WDR59: variants seen among roughly 807,000 people sequenced by gnomAD.
WDR59 encodes the protein WD repeat domain 59.
A neutral mutation model predicts 131.2 loss-of-function variants in WDR59; 100 were observed. The observed-to-expected ratio is 0.76, with a 90% CI of 0.65 to 0.90. The LOEUF is 0.90. WDR59 is among the 40% of genes least tolerant of loss of function. The pLI is 0.00. For missense variants in WDR59, 1,203 were observed against 1,262.2 expected (o/e 0.95, Z 0.71); for synonymous variants, 601 against 466.2 (o/e 1.29, Z -3.72).
At chr16:74,973,437 C>A (rs1370267065) in intron 1 of WDR59, among the ~76,000 whole-genome samples, 1 of 152,144 alleles carries the variant, frequency 6.6e-6, no homozygotes, top group African/African-American at 2.4e-5. Flanking sequence ...CAGGCACAAG[C>A]CACCATGCTC....
intron 8 of WDR59, among the ~76,000 whole-genome samples, chr16:74,935,744 T>C (rs1198869934): frequency 6.6e-6 from 1 of 152,098 alleles, no homozygotes; most frequent in Non-Finnish European, 1.5e-5. Context: ...AAAAATTGTC[T>C]TGCTAGCACT....
intron 25 of WDR59, among the ~76,000 whole-genome samples, chr16:74,877,251 C>G (rs527402985): frequency 6.6e-6 from 1 of 151,502 alleles, no homozygotes; most frequent in Non-Finnish European, 1.5e-5. Flanking sequence ...CACACACACA[C>G]ACAAACACAC....
chr16:74,980,342 T>G (rs924917796), intron 1 of WDR59, among the ~76,000 whole-genome samples: 4 of 151,174 alleles, frequency 2.6e-5, no homozygotes, highest in African/African-American at 9.7e-5. Context: ...GGTTTTCCTC[T>G]GAAAAATCTA....
At chr16:74,921,671 A>C (rs2030242846) in intron 10 of WDR59, among the ~76,000 whole-genome samples, 2 of 152,152 alleles carry the variant, frequency 1.3e-5, no homozygotes, top group Admixed American at 6.5e-5. Flanking sequence ...ATCCAACAGC[A>C]AATCTCTATC....
Position 74,903,857 on chromosome 16 carries a change from TACTAATCTAGCTGCTG to T in WDR59, c.1866+74_1866+89del, listed in dbSNP as rs1445909515. 6.2e-6 allele frequency: 9 copies of T among 1,443,618 alleles called. No individual in the cohort carries two copies. The African/African-American group carries it at 1.1e-4, about 18-fold the overall frequency. 89.4% of individuals were successfully genotyped at this position (1,443,618 alleles called of 1,614,324 possible). A position where few individuals can be genotyped will look rare whatever the true frequency, so the allele number is the denominator to read the frequency against. On this transcript the variant is annotated intron_variant, in intron 18 of 25. Coordinates refer to ENST00000262144, the MANE Select transcript of WDR59 (RefSeq NM_030581.4). ...CGAAAGTGAAAGGCTACAGGGTGAT[TACTAATCTAGCTGCTG>T]CGCCAGGCAGGAGATGAGGAACAAG...
rs145360783 is a variant in WDR59, at chr16:74,889,798, C to A, written c.2100G>T (p.Thr700=). The part of the protein sequence containing the change: ...KDLVQVWSLA[T]VATDLCLGPK... ...GACCAAGGCAAAGATCTGTAGCTACCGTAGCCAGCGACCAAACCTGGACAG... is the reference window on the plus strand; with the variant it reads ...GACCAAGGCAAAGATCTGTAGCTACAGTAGCCAGCGACCAAACCTGGACAG... Residue 700 remains threonine (T), a synonymous_variant, in exon 21 of 26, where the codon ACG becomes ACT. Transcript: ENST00000262144. 3.1e-6 allele frequency: 5 copies of A among 1,613,858 alleles called. No homozygotes were observed. The Admixed American group carries it at 8.3e-5, about 27-fold the overall frequency.
At chr16:74,975,262 G>A (rs1276789704) in intron 1 of WDR59, among the ~76,000 whole-genome samples, 3 of 152,166 alleles carry the variant, frequency 2.0e-5, no homozygotes, top group Non-Finnish European at 2.9e-5. Context: ...TCGGGAGGCT[G>A]AGACAGGAGA....
intron 13 of WDR59, among the ~76,000 whole-genome samples, chr16:74,914,933 A>G (rs573923175): frequency 6.6e-6 from 1 of 152,346 alleles, no homozygotes; most frequent in Non-Finnish European, 1.5e-5. Context: ...GTTATGTAAC[A>G]GCACATATTT....
chr16:74,903,429 A>T (rs2144885994), intron 18 of WDR59, among the ~76,000 whole-genome samples: 1 of 152,302 alleles, frequency 6.6e-6, no homozygotes, highest in African/African-American at 2.4e-5. Context: ...CATAAGGACA[A>T]GCTCAGGTGA....
At chr16:74,976,978 G>A (rs111477170) in intron 1 of WDR59, among the ~76,000 whole-genome samples, 3 of 152,106 alleles carry the variant, frequency 2.0e-5, no homozygotes, top group African/African-American at 7.2e-5. Context: ...CTCCAGCCTG[G>A]GCGACATTGC....
chr16:74,960,061 G>C (rs906581578), intron 2 of WDR59, among the ~76,000 whole-genome samples: 9 of 152,052 alleles, frequency 5.9e-5, no homozygotes, highest in Non-Finnish European at 1.2e-4. Flanking sequence ...CGGGCGCAGT[G>C]GCTCACACCT....
In WDR59 at chr16:74,915,942, T is replaced by C. The variant is rs751853850; in HGVS notation, c.1152A>G (p.Gln384=). ...GCTGCAAGGTCTGAGGCAGCCCCAGTTGATCTGATTTCCTCTCTTCCAGGA... is the reference window on the plus strand; with the variant it reads ...GCTGCAAGGTCTGAGGCAGCCCCAGCTGATCTGATTTCCTCTCTTCCAGGA... The part of the protein sequence containing the change: ...RNLLEERKSD[Q]LGLPQTLQQE... Residue 384 remains glutamine, a synonymous_variant, in exon 13 of 26, where the codon CAA becomes CAG. Transcript: ENST00000262144. 5.0e-6 allele frequency: 8 copies of C among 1,614,104 alleles called. No homozygotes were observed. Among genetic ancestry groups the C allele is most frequent in the Non-Finnish European group, 5.1e-6 (6 of 1,180,022 alleles).
At chr16:74,879,947 A>T (rs1964398578) in intron 25 of WDR59, among the ~76,000 whole-genome samples, 1 of 152,176 alleles carries the variant, frequency 6.6e-6, no homozygotes, top group South Asian at 2.1e-4. Flanking sequence ...GCACTTTGGG[A>T]GGCTGAGGTG....
chr16:74,953,616 A>C (rs748783860), intron 3 of WDR59, among the ~76,000 whole-genome samples: 4 of 152,238 alleles, frequency 2.6e-5, no homozygotes, highest in Non-Finnish European at 5.9e-5. Context: ...AAACATTTGC[A>C]AATCATACAT....
chr16:74,953,749 C>T (rs1432147469), intron 3 of WDR59, among the ~76,000 whole-genome samples: 3 of 151,908 alleles, frequency 2.0e-5, no homozygotes, highest in Non-Finnish European at 4.4e-5. Context: ...TGCCTGTAAT[C>T]CCAGCACTTT....
chr16:74,902,109 T>C (rs549392466), intron 18 of WDR59, among the ~76,000 whole-genome samples: 1 of 152,356 alleles, frequency 6.6e-6, no homozygotes, highest in African/African-American at 2.4e-5. Context: ...ACCTGTGTGA[T>C]TATTAATTCA....
chr16:74,970,947 G>A (rs940134935), intron 1 of WDR59, among the ~76,000 whole-genome samples: 7 of 151,922 alleles, frequency 4.6e-5, no homozygotes, highest in African/African-American at 1.7e-4. Context: ...GCTACTTGGG[G>A]GGCTGAGGGG....
chr16:74,975,492 G>A (rs992210332), intron 1 of WDR59, among the ~76,000 whole-genome samples: 8 of 151,382 alleles, frequency 5.3e-5, no homozygotes, highest in African/African-American at 1.7e-4. Context: ...GTAAAACCCC[G>A]TCTCTACTAA....
rs1965689456 is a variant in WDR59, at chr16:74,904,115, G to T, written c.1713-15C>A. ...CTGAGAGAGATCTGTAGTTGAAAAT[G>T]ATAATTATCCACACTGGCTGCAGTC... On this transcript the variant is annotated splice_polypyrimidine_tract_variant and intron_variant, in intron 17 of 25. Coordinates refer to ENST00000262144, the MANE Select transcript of WDR59 (RefSeq NM_030581.4). 3 of 1,608,938 alleles carry T rather than the reference G, an allele frequency of 1.9e-6. No homozygotes were observed. Among genetic ancestry groups the T allele is most frequent in the Non-Finnish European group, 2.5e-6 (3 of 1,177,616 alleles).
Sources: gnomAD v4.1 joint callset for allele counts (sites outside exome capture counted in the v4.1 genomes callset) on GRCh38, gnomAD v4.1.1 for gene constraint, MANE v1.5 for transcripts, NCBI Gene and HGNC (gene_info 2026-07-23, HGNC 2026-07-21) for gene names.